The following USH2A variants were observed in gnomAD, a reference collection of about 807,000 sequenced individuals.
USH2A encodes Usher syndrome 2A (autosomal recessive, mild).
In USH2A, 443 loss-of-function variants were observed where a neutral mutation model predicts 538.9. The ratio of observed to expected loss-of-function variants is 0.82; its 90% CI spans 0.76 to 0.89. The LOEUF is 0.89. Among genes scored for constraint, USH2A ranks in the 40% least tolerant of loss-of-function variants. The probability of loss-of-function intolerance (pLI) is 0.00; values close to 1 mark genes in which losing one functional copy is unlikely to be tolerated. For missense variants in USH2A, 6,633 were observed against 6,324.8 expected (o/e 1.05, Z -1.65); for synonymous variants, 2,413 against 2,273.5 (o/e 1.06, Z -1.75).
chr1:215,864,763 C>A (rs1264094164), intron 44 of USH2A, among the ~76,000 whole-genome samples: 1 of 152,116 alleles, frequency 6.6e-6, no homozygotes, highest in Admixed American at 6.6e-5. Flanking sequence ...ACTGAAGTAA[C>A]ACAGGGACGC....
intron 67 of USH2A, among the ~76,000 whole-genome samples, chr1:215,646,627 A>G (rs1459039096): frequency 6.6e-6 from 1 of 152,128 alleles, no homozygotes; most frequent in Non-Finnish European, 1.5e-5. Flanking sequence ...CCTGGGTTAA[A>G]GTGATTCTCC....
intron 11 of USH2A, among the ~76,000 whole-genome samples, chr1:216,269,811 G>A (rs1433305783): frequency 6.6e-6 from 1 of 152,126 alleles, no homozygotes; most frequent in Non-Finnish European, 1.5e-5. Context: ...CTGGAGCAAT[G>A]GTGGATATGC....
intron 61 of USH2A, among the ~76,000 whole-genome samples, chr1:215,684,433 A>G (rs11120599): frequency 0.6 from 91,036 of 151,956 alleles, 28,014 homozygotes; most frequent in East Asian, 0.9. Flanking sequence ...GTGTGGGGAT[A>G]CTCCCTGCAC....
intron 56 of USH2A, 59 bp downstream of exon 56, chr1:215,766,622 C>T (rs2102748003): frequency 6.8e-7 from 1 of 1,466,884 alleles, no homozygotes; most frequent in African/African-American, 1.4e-5. Flanking sequence ...TTTACAGATT[C>T]CACCTCAAAA....
chr1:215,856,398 AAAG>A (rs910504339), intron 44 of USH2A, among the ~76,000 whole-genome samples: 1 of 152,356 alleles, frequency 6.6e-6, no homozygotes, highest in Admixed American at 6.5e-5. Context: ...ACAATTCTCA[AAAG>A]AAGAATGGCC....
intron 3 of USH2A, among the ~76,000 whole-genome samples, chr1:216,383,252 T>C (rs2038949937): frequency 6.6e-6 from 1 of 152,156 alleles, no homozygotes; most frequent in African/African-American, 2.4e-5. Flanking sequence ...TGTTCATGGG[T>C]ACAGGCATTA....
At chr1:216,140,284 T>G (rs528115669) in intron 21 of USH2A, among the ~76,000 whole-genome samples, 6 of 152,268 alleles carry the variant, frequency 3.9e-5, no homozygotes, top group Non-Finnish European at 1.5e-5. Context: ...TCCAGGGGCA[T>G]GCACAGTGCA....
At chr1:215,736,636 G>A in intron 60 of USH2A, among the ~76,000 whole-genome samples, 1 of 151,798 alleles carries the variant, frequency 6.6e-6, no homozygotes, top group Non-Finnish European at 1.5e-5. Context: ...CTTTAATGTG[G>A]AAAGAATATA....
At chr1:216,094,528 TA>T (rs996568222) in intron 22 of USH2A, among the ~76,000 whole-genome samples, 3 of 152,180 alleles carry the variant, frequency 2.0e-5, no homozygotes, top group African/African-American at 7.2e-5. Flanking sequence ...TTTGGCACTG[TA>T]AAACAGAGTT....
intron 4 of USH2A, among the ~76,000 whole-genome samples, chr1:216,356,802 T>C (rs74863141): frequency 6.6e-6 from 1 of 152,118 alleles, no homozygotes; most frequent in Admixed American, 6.6e-5. Context: ...TAAGTCTTTG[T>C]CTAATTATAT....
At chr1:216,048,211 A>G (rs2030603303) in intron 31 of USH2A, among the ~76,000 whole-genome samples, 1 of 152,228 alleles carries the variant, frequency 6.6e-6, no homozygotes, top group Non-Finnish European at 1.5e-5. Context: ...TTTACTTCTG[A>G]GCCATAGTAA....
rs2036054426 is a variant in USH2A, at chr1:216,246,739, G to A, written c.2655C>T (p.His885=). 1 of 1,614,100 alleles carries A rather than the reference G, an allele frequency of 6.2e-7. No individual in the cohort carries two copies. Among genetic ancestry groups the A allele is most frequent in the Non-Finnish European group, 8.5e-7 (1 of 1,179,984 alleles). Residue 885 remains histidine, a synonymous_variant, in exon 13 of 72, where the codon CAC becomes CAT. Transcript: ENST00000307340. ...TGLRCNQCEP[H]RYNLTIDNFQ... Reference sequence around the variant, plus strand: ...AATTGTCAATGGTCAAATTGTACCTGTGAGGCTCACACTGATTACAGCGAA... The same window carrying A: ...AATTGTCAATGGTCAAATTGTACCTATGAGGCTCACACTGATTACAGCGAA...
At chr1:215,876,540 T>G (rs1231435511) in intron 43 of USH2A, among the ~76,000 whole-genome samples, 1 of 152,202 alleles carries the variant, frequency 6.6e-6, no homozygotes, top group Non-Finnish European at 1.5e-5. Flanking sequence ...GACACCATGC[T>G]AGGAACTGAA....
At chr1:216,085,349 G>A (rs1160588507) in intron 24 of USH2A, among the ~76,000 whole-genome samples, 1 of 152,046 alleles carries the variant, frequency 6.6e-6, no homozygotes, top group Non-Finnish European at 1.5e-5. Flanking sequence ...GATCTTGAAT[G>A]TGGAACTCTC....
chr1:216,377,287 T>C (rs778862152), intron 3 of USH2A, among the ~76,000 whole-genome samples: 18 of 152,186 alleles, frequency 1.2e-4, no homozygotes, highest in Admixed American at 3.3e-4. Context: ...GCTAGAGAGA[T>C]AGTAATTGTC....
At chr1:215,865,006 T>C (rs1338461969) in intron 44 of USH2A, among the ~76,000 whole-genome samples, 2 of 152,328 alleles carry the variant, frequency 1.3e-5, no homozygotes, top group South Asian at 2.1e-4. Context: ...ATTTAAAACA[T>C]GATTTTCCAC....
intron 23 of USH2A, among the ~76,000 whole-genome samples, chr1:216,087,746 C>A (rs892475078): frequency 3.9e-5 from 6 of 152,126 alleles, no homozygotes; most frequent in African/African-American, 1.4e-4. Flanking sequence ...TAACCAGAAT[C>A]TGAATACTTC....
At chr1:216,112,536 A>G (rs1371697315) in intron 21 of USH2A, among the ~76,000 whole-genome samples, 1 of 152,136 alleles carries the variant, frequency 6.6e-6, no homozygotes, top group Non-Finnish European at 1.5e-5. Context: ...ACGGGGGTTC[A>G]ATGAACAGAT....
Position 215,969,371 on chromosome 1 carries a change from C to T in USH2A, c.6957+1254G>A, listed in dbSNP as rs186922805. Among the ~76,000 whole-genome samples the T allele has an allele frequency of 1.4e-4, 21 of 152,252 alleles. No individual in the cohort carries two copies. In the South Asian group the frequency reaches 1.9e-3, roughly 14 times the overall value. On this transcript the variant is annotated intron_variant, in intron 36 of 71. Transcript: ENST00000307340. ...GTGGCATTTGATTTCTTAAGGTTAA[C>T]GTAGCTACTGTCTGTGCAGGATGCA...
Sources: allele counts gnomAD v4.1 joint callset (sites outside exome capture counted in the v4.1 genomes callset), GRCh38; gene constraint gnomAD v4.1.1; transcripts MANE v1.5; gene names NCBI Gene and HGNC (gene_info 2026-07-23, HGNC 2026-07-21).